Variants in OSBPL10 observed in about 807,000 individuals in gnomAD.
OSBPL10 encodes oxysterol binding protein like 10, also known as oxysterol-binding protein-related protein 10.
A neutral mutation model predicts 81.7 loss-of-function variants in OSBPL10; 49 were observed. The ratio of observed to expected loss-of-function variants is 0.60; its 90% confidence interval spans 0.48 to 0.76. The LOEUF is 0.76. OSBPL10 is among the 30% of genes least tolerant of loss of function. The pLI, the probability that OSBPL10 is intolerant of heterozygous loss-of-function variation, is 0.00. For missense variants in OSBPL10, 923 were observed against 987.8 expected (o/e 0.93, Z 0.88); for synonymous variants, 419 against 383.6 (o/e 1.09, Z -1.08).
chr3:32,028,418 C>T (rs1483158939), intron 2 of OSBPL10, among the ~76,000 whole-genome samples: 1 of 152,186 alleles, frequency 6.6e-6, no homozygotes, highest in Non-Finnish European at 1.5e-5. Flanking sequence ...ATTGCTTAAA[C>T]CAAAGACCAG....
At chr3:31,812,993 A>G (rs1222535487) in intron 4 of OSBPL10, among the ~76,000 whole-genome samples, 2 of 152,180 alleles carry the variant, frequency 1.3e-5, no homozygotes, top group Non-Finnish European at 2.9e-5. Context: ...TATCCCTTCT[A>G]GACAACCAGC....
intron 4 of OSBPL10, chr3:31,796,024 C>CACACT (rs1699203141): frequency 5.2e-6 from 1 of 194,082 alleles, no homozygotes; most frequent in South Asian, 1.2e-4. Flanking sequence ...GCCTTATGAG[C>CACACT]GCACTGAATG....
At chr3:31,829,131 C>A (rs1478322743) in intron 4 of OSBPL10, among the ~76,000 whole-genome samples, 1 of 152,116 alleles carries the variant, frequency 6.6e-6, no homozygotes, top group Non-Finnish European at 1.5e-5. Flanking sequence ...AGCGGCAAGA[C>A]CCTAGTCGAG....
At chr3:31,672,369 G>A (rs1396263374) in intron 8 of OSBPL10, among the ~76,000 whole-genome samples, 1 of 117,856 alleles carries the variant, frequency 8.5e-6, no homozygotes, top group Non-Finnish European at 1.8e-5. Flanking sequence ...GGCGGGGGGG[G>A]GGGCAGGAGG....
intron 6 of OSBPL10, among the ~76,000 whole-genome samples, chr3:31,727,168 G>T (rs1254615554): frequency 6.6e-6 from 1 of 152,066 alleles, no homozygotes; most frequent in Non-Finnish European, 1.5e-5. Context: ...TAATTGTAGG[G>T]TTTCCTGTTA....
intron 4 of OSBPL10, among the ~76,000 whole-genome samples, chr3:31,763,286 G>C (rs1002457012): frequency 1.3e-5 from 2 of 152,200 alleles, no homozygotes; most frequent in East Asian, 3.9e-4. Flanking sequence ...CACTTCAGAA[G>C]TCTTCTGATT....
intron 1 of OSBPL10, among the ~76,000 whole-genome samples, chr3:31,944,507 A>G (rs1434379309): frequency 6.6e-6 from 1 of 152,198 alleles, no homozygotes; most frequent in East Asian, 1.9e-4. Context: ...AAGCATGGAT[A>G]TATTTACATA....
chr3:31,799,881 G>A (rs1699335316), intron 4 of OSBPL10, among the ~76,000 whole-genome samples: 1 of 152,110 alleles, frequency 6.6e-6, no homozygotes, highest in African/African-American at 2.4e-5. Flanking sequence ...GCTAATTTTT[G>A]TATTTTCAGT....
At chr3:31,921,571 A>G (rs1696916521) in intron 1 of OSBPL10, among the ~76,000 whole-genome samples, 1 of 152,218 alleles carries the variant, frequency 6.6e-6, no homozygotes, top group Admixed American at 6.5e-5. Context: ...AATCCAGAGT[A>G]AAAAATAAAT....
chr3:31,723,598 A>G (rs1696724901), intron 6 of OSBPL10, among the ~76,000 whole-genome samples: 1 of 150,846 alleles, frequency 6.6e-6, no homozygotes, highest in South Asian at 2.1e-4. Context: ...GCTCACATCC[A>G]TCATCAGTAC....
chr3:31,727,179 T>C (rs1200301864), intron 6 of OSBPL10, among the ~76,000 whole-genome samples: 1 of 152,076 alleles, frequency 6.6e-6, no homozygotes, highest in African/African-American at 2.4e-5. Context: ...TTTCCTGTTA[T>C]TTGCATCTGA....
intron 3 of OSBPL10, among the ~76,000 whole-genome samples, chr3:31,873,606 A>G (rs1701384124): frequency 6.6e-6 from 1 of 152,174 alleles, no homozygotes; most frequent in Non-Finnish European, 1.5e-5. Context: ...ACACGATTTT[A>G]CGTAAGAGTT....
intron 3 of OSBPL10, among the ~76,000 whole-genome samples, chr3:31,856,230 C>G (rs1700909958): frequency 6.6e-6 from 1 of 151,654 alleles, no homozygotes; most frequent in African/African-American, 2.4e-5. Flanking sequence ...AGAAGGTATG[C>G]AAAATTGTTG....
chr3:31,833,563 A>G (rs1341258070), intron 3 of OSBPL10, among the ~76,000 whole-genome samples: 1 of 152,212 alleles, frequency 6.6e-6, no homozygotes, highest in Non-Finnish European at 1.5e-5. Flanking sequence ...GTTGCTTAGC[A>G]CAAAATCATA....
intron 10 of OSBPL10, among the ~76,000 whole-genome samples, chr3:31,667,843 G>A (rs1165138225): frequency 6.6e-6 from 1 of 152,228 alleles, no homozygotes; most frequent in Admixed American, 6.5e-5. Context: ...GCCATAGTTT[G>A]CTGATGTCCT....
chr3:32,076,063 C>T (rs988282288), intron 1 of OSBPL10, among the ~76,000 whole-genome samples: 3 of 152,144 alleles, frequency 2.0e-5, no homozygotes, highest in Non-Finnish European at 2.9e-5. Flanking sequence ...CCACCTATCC[C>T]AAAACCTGTA....
chr3:31,952,003 C>G (rs1443471718), intron 1 of OSBPL10, among the ~76,000 whole-genome samples: 1 of 152,122 alleles, frequency 6.6e-6, no homozygotes, highest in African/African-American at 2.4e-5. Context: ...ATAATCTGTG[C>G]CTTCCATGAG....
intron 1 of OSBPL10, among the ~76,000 whole-genome samples, chr3:31,935,215 G>C (rs1697352066): frequency 6.6e-6 from 1 of 152,158 alleles, no homozygotes; most frequent in Non-Finnish European, 1.5e-5. Context: ...AGTCTGGGGA[G>C]ATGAGAATTT....
In OSBPL10 at chr3:31,668,539, C is replaced by T. The variant is rs1263770097; in HGVS notation, c.2096+103G>A. 10 of 1,098,198 alleles carry T rather than the reference C, an allele frequency of 9.1e-6. No individual in the cohort carries two copies. The East Asian group carries it at 2.5e-4, about 27-fold the overall frequency. The allele number at this position is 1,098,198 out of a possible 1,614,324, so 68.0% of individuals were successfully genotyped here. On this transcript the variant is annotated intron_variant, in intron 10 of 11. Coordinates refer to ENST00000396556, the MANE Select transcript of OSBPL10 (RefSeq NM_017784.5). ...AAGCCAGTAGAACATGATTCCTGGCCTGTTTCCAGTCGCTAAGTTTCAAAG... is the reference window on the plus strand; with the variant it reads ...AAGCCAGTAGAACATGATTCCTGGCTTGTTTCCAGTCGCTAAGTTTCAAAG...
Sources: allele counts gnomAD v4.1 joint callset (sites outside exome capture counted in the v4.1 genomes callset), GRCh38; gene constraint gnomAD v4.1.1; transcripts MANE v1.5; gene names NCBI Gene and HGNC (gene_info 2026-07-23, HGNC 2026-07-21).